CAMK1D: variants seen among roughly 807,000 people sequenced by gnomAD.
CAMK1D encodes the protein calcium/calmodulin dependent protein kinase ID.
CAMK1D carries 9 observed loss-of-function variants against 47.7 expected under a neutral mutation model. The observed-to-expected ratio is 0.19, with a 90% CI of 0.11 to 0.33. CAMK1D has a LOEUF of 0.33. Ranked by LOEUF, CAMK1D falls within the 10% of genes least tolerant of loss-of-function variation. The probability of loss-of-function intolerance (pLI) is 1.00; values close to 1 mark genes in which losing one functional copy is unlikely to be tolerated. For synonymous variants in CAMK1D, 184 were observed against 184.9 expected (o/e 0.99, Z 0.04); for missense variants, 291 against 488.7 (o/e 0.60, Z 3.81).
intron 1 of CAMK1D, among the ~76,000 whole-genome samples, chr10:12,446,168 G>A (rs1429062268): frequency 6.6e-6 from 1 of 152,104 alleles, no homozygotes; most frequent in African/African-American, 2.4e-5. Flanking sequence ...GAGAATTCAG[G>A]GCAAGTCCAC....
intron 2 of CAMK1D, among the ~76,000 whole-genome samples, chr10:12,650,753 A>G (rs1233956864): frequency 6.6e-6 from 1 of 152,172 alleles, no homozygotes; most frequent in African/African-American, 2.4e-5. Context: ...CTGTTGTATT[A>G]AGCAGAGCTT....
intron 3 of CAMK1D, among the ~76,000 whole-genome samples, chr10:12,747,465 C>T (rs1327386517): frequency 1.3e-5 from 2 of 152,102 alleles, no homozygotes; most frequent in Non-Finnish European, 2.9e-5. Context: ...ACCACCACGC[C>T]TGGCCAATTA....
intron 4 of CAMK1D, among the ~76,000 whole-genome samples, chr10:12,766,411 G>A (rs917301988): frequency 7.6e-6 from 1 of 131,812 alleles, no homozygotes; most frequent in African/African-American, 3.0e-5. Flanking sequence ...TCCCCAGGTT[G>A]GAGTGCAGTG....
At chr10:12,801,346 TATCTATCTTATCTATCTATC>T (rs1838448033) in intron 6 of CAMK1D, among the ~76,000 whole-genome samples, 3 of 87,456 alleles carry the variant, frequency 3.4e-5, no homozygotes, top group Admixed American at 2.3e-4. Context: ...TCTATCTATC[TATCTATCTTATCTATCTATC>T]TATCTATCTA....
rs1005280755 is a variant in CAMK1D at position 12,695,353 on chromosome 10, A to G, written c.299+28543A>G. ...TCCCCACCCCTCCAATATGGGCTGCACATTGTGACTTTCCAAAGAGCCATG... is the reference window on the plus strand; with the variant it reads ...TCCCCACCCCTCCAATATGGGCTGCGCATTGTGACTTTCCAAAGAGCCATG... On this transcript the variant is annotated intron_variant, in intron 3 of 10. Transcript: ENST00000619168. 2.0e-5 allele frequency among the ~76,000 whole-genome samples: 3 copies of G among 152,052 alleles called. No individual in the cohort carries two copies. The South Asian group carries it at 6.2e-4, about 31-fold the overall frequency.
intron 1 of CAMK1D, among the ~76,000 whole-genome samples, chr10:12,408,860 T>A (rs996607762): frequency 1.3e-5 from 2 of 148,990 alleles, no homozygotes; most frequent in African/African-American, 4.9e-5. Context: ...TTTTTTTTTT[T>A]TTTTTTGTTC....
chr10:12,397,612 C>T lies in CAMK1D; in HGVS notation c.92+47702C>T, dbSNP rs904657445. 2.0e-5 allele frequency among the ~76,000 whole-genome samples: 3 copies of T among 152,142 alleles called. No homozygotes were observed. In the East Asian group the frequency reaches 5.8e-4, roughly 29 times the overall value. On this transcript the variant is annotated intron_variant, in intron 1 of 10. Coordinates refer to ENST00000619168, the MANE Select transcript of CAMK1D (RefSeq NM_153498.4). ...CTAGTATTTCAGCCATCCCTGTGAC[C>T]CTGGGGCCTAGGTGAGTGCCTGGTA... is the stretch of plus-strand genomic sequence containing the variant.
intron 1 of CAMK1D, among the ~76,000 whole-genome samples, chr10:12,416,309 A>G (rs1310181987): frequency 6.6e-6 from 1 of 152,226 alleles, no homozygotes; most frequent in Non-Finnish European, 1.5e-5. Context: ...TATGCATGCA[A>G]TGCCATTTGC....
chr10:12,705,096 C>T lies in CAMK1D; in HGVS notation c.299+38286C>T, dbSNP rs376722783. Among the ~76,000 whole-genome samples, 597 of 152,224 alleles carry T rather than the reference C, an allele frequency of 3.9e-3. 7 individuals are homozygous for T. The highest frequency in any genetic ancestry group is 0.013 in the African/African-American group (551 of 41,536). On this transcript the variant is annotated intron_variant, in intron 3 of 10. Transcript: ENST00000619168. ...AGGTTTCTTCATGCCTGGGTCTTGA[C>T]CCATCACTGGATACTGAAATCAATT...
At chr10:12,734,322 CAA>C (rs1201573872) in intron 3 of CAMK1D, among the ~76,000 whole-genome samples, 24 of 23,570 alleles carry the variant, frequency 1.0e-3, no homozygotes, top group African/African-American at 1.6e-3. Flanking sequence ...GACTCCATCT[CAA>C]AAAAAAAAAA....
At chr10:12,576,456 T>C (rs905876121) in intron 2 of CAMK1D, among the ~76,000 whole-genome samples, 6 of 152,146 alleles carry the variant, frequency 3.9e-5, no homozygotes, top group Admixed American at 3.9e-4. Context: ...TATTGTGTAC[T>C]TTATTTTTAT....
intron 2 of CAMK1D, among the ~76,000 whole-genome samples, chr10:12,553,749 A>G (rs927000297): frequency 6.6e-6 from 1 of 152,186 alleles, no homozygotes; most frequent in Non-Finnish European, 1.5e-5. Flanking sequence ...AGTTTTTGTG[A>G]AGTGCTCACT....
chr10:12,568,612 CT>C (rs1200690511), intron 2 of CAMK1D, among the ~76,000 whole-genome samples: 1 of 133,316 alleles, frequency 7.5e-6, no homozygotes, highest in Admixed American at 8.0e-5. Context: ...AGTATTCTTT[CT>C]TTTTTTTATT....
In CAMK1D at chr10:12,709,436, G is replaced by A. The variant is rs183536265; in HGVS notation, c.299+42626G>A. 6.7e-4 allele frequency among the ~76,000 whole-genome samples: 102 copies of A among 152,194 alleles called. 2 individuals carry two copies. Among genetic ancestry groups the A allele is most frequent in the Middle Eastern group, 3.4e-3 (1 of 294 alleles). On this transcript the variant is annotated intron_variant, in intron 3 of 10. Transcript: ENST00000619168. ...CAAATGGAAAGGACTTTGCAATGCA[G>A]AGTCTAAGGAGGGAAAATGAAAATA...
chr10:12,408,774 T>C (rs1341533465), intron 1 of CAMK1D, among the ~76,000 whole-genome samples: 1 of 152,142 alleles, frequency 6.6e-6, no homozygotes, highest in Non-Finnish European at 1.5e-5. Flanking sequence ...GGCATTTCCC[T>C]GTATGCCTCC....
chr10:12,517,178 A>ATT (rs1835236387), intron 1 of CAMK1D, among the ~76,000 whole-genome samples: 1 of 152,142 alleles, frequency 6.6e-6, no homozygotes, highest in African/African-American at 2.4e-5. Context: ...TTTTATTTCC[A>ATT]ATTGTTCATT....
At chr10:12,486,279 C>T (rs1834212391) in intron 1 of CAMK1D, among the ~76,000 whole-genome samples, 1 of 152,060 alleles carries the variant, frequency 6.6e-6, no homozygotes, top group Non-Finnish European at 1.5e-5. Flanking sequence ...CTGCCTCAGC[C>T]TCTGGAGTAG....
intron 8 of CAMK1D, among the ~76,000 whole-genome samples, chr10:12,822,718 C>A (rs778269357): frequency 1.1e-4 from 17 of 152,234 alleles, no homozygotes; most frequent in Admixed American, 4.6e-4. Flanking sequence ...GAGGATGTAG[C>A]TTTTCAACAG....
At chr10:12,557,551 C>CAAAAAAAAAAAAAA (rs5783273) in intron 2 of CAMK1D, among the ~76,000 whole-genome samples, 5 of 84,464 alleles carry the variant, frequency 5.9e-5, no homozygotes, top group African/African-American at 8.2e-5. Flanking sequence ...GACTCCATCT[C>CAAAAAAAAAAAAAA]AAAAAAAAAA....
Sources: allele counts gnomAD v4.1 joint callset (sites outside exome capture counted in the v4.1 genomes callset), GRCh38; gene constraint gnomAD v4.1.1; transcripts MANE v1.5; gene names NCBI Gene and HGNC (gene_info 2026-07-23, HGNC 2026-07-21).